TMEM117: variants seen among roughly 807,000 people sequenced by gnomAD.
The protein encoded by TMEM117 is transmembrane protein 117.
A neutral mutation model predicts 52.4 loss-of-function variants in TMEM117; 27 were observed. The ratio of observed to expected loss-of-function variants is 0.51; its 90% CI spans 0.38 to 0.71. The LOEUF (loss-of-function observed/expected upper bound fraction) is 0.71. Among genes scored for constraint, TMEM117 ranks in the 30% least tolerant of loss-of-function variants. The probability of loss-of-function intolerance (pLI) is 0.00; values close to 1 mark genes in which losing one functional copy is unlikely to be tolerated. For missense variants in TMEM117, 556 were observed against 630.5 expected (o/e 0.88, Z 1.26); for synonymous variants, 215 against 206.3 (o/e 1.04, Z -0.36).
intron 3 of TMEM117, among the ~76,000 whole-genome samples, chr12:43,964,766 GTA>G (rs1243438145): frequency 6.6e-6 from 1 of 152,160 alleles, no homozygotes; most frequent in Non-Finnish European, 1.5e-5. Context: ...AATTAGTACT[GTA>G]TACATTCTGA....
At chr12:44,167,567 T>C (rs1948985757) in intron 4 of TMEM117, among the ~76,000 whole-genome samples, 1 of 151,910 alleles carries the variant, frequency 6.6e-6, no homozygotes, top group East Asian at 1.9e-4. Context: ...CTCGGGAGGC[T>C]GAGGCAGGAG....
chr12:44,327,829 C>A (rs1951216723), intron 6 of TMEM117, among the ~76,000 whole-genome samples: 1 of 152,216 alleles, frequency 6.6e-6, no homozygotes, highest in Middle Eastern at 3.4e-3. Context: ...AGTAAGAACT[C>A]CACAGTTGCC....
intron 3 of TMEM117, among the ~76,000 whole-genome samples, chr12:43,959,082 C>G (rs1477971024): frequency 6.6e-6 from 1 of 152,186 alleles, no homozygotes; most frequent in Non-Finnish European, 1.5e-5. Context: ...GCTGGCATTA[C>G]AGGCGTGAGC....
intron 6 of TMEM117, among the ~76,000 whole-genome samples, chr12:44,333,266 C>T (rs1040592550): frequency 3.9e-5 from 6 of 152,016 alleles, no homozygotes; most frequent in Admixed American, 3.9e-4. Flanking sequence ...TTTTTAAACC[C>T]AAACAATATG....
intron 5 of TMEM117, chr12:44,248,621 C>A: frequency 6.2e-6 from 1 of 160,406 alleles, no homozygotes; most frequent in South Asian, 1.8e-4. Context: ...GACTGCTGCC[C>A]ACTCCTCCCG....
chr12:43,958,752 T>C (rs1945348518), intron 3 of TMEM117, among the ~76,000 whole-genome samples: 1 of 151,868 alleles, frequency 6.6e-6, no homozygotes, highest in South Asian at 2.1e-4. Context: ...CAGGAGAGAA[T>C]ATCTGAAATG....
chr12:44,226,501 ATGTGTGTGTGTG>A (rs56709250), intron 5 of TMEM117, among the ~76,000 whole-genome samples: 1 of 149,176 alleles, frequency 6.7e-6, no homozygotes, highest in South Asian at 2.1e-4. Flanking sequence ...AAATATATAT[ATGTGTGTGTGTG>A]TGTGTGTGTG....
At chr12:44,147,841 A>G (rs941647115) in intron 4 of TMEM117, among the ~76,000 whole-genome samples, 1 of 151,966 alleles carries the variant, frequency 6.6e-6, no homozygotes, top group African/African-American at 2.4e-5. Flanking sequence ...CTGAGGCAGC[A>G]GAATGGCTTG....
In TMEM117 at chr12:44,389,063, T is replaced by TTAATG; in HGVS notation, c.*391_*392insTAATG. 2.6e-5 allele frequency: 4 copies of TTAATG among 154,060 alleles called. No homozygotes were observed. The highest frequency in any genetic ancestry group is 4.3e-5 in the Non-Finnish European group (3 of 69,922). The allele number at this position is 154,060 out of a possible 1,614,324, so 9.5% of individuals were successfully genotyped here. On this transcript the variant is annotated 3_prime_UTR_variant, in exon 8 of 8. Transcript: ENST00000266534. ...TAACCTATTTCACATGGGCGTTTTGTATACAACTATTTTGATCTACACTTG... is the reference window on the plus strand; with the variant it reads ...TAACCTATTTCACATGGGCGTTTTGTTAATGATACAACTATTTTGATCTACACTTG...
the TMEM117 span, among the ~76,000 whole-genome samples, chr12:43,802,130 T>C: frequency 6.6e-6 from 1 of 152,354 alleles, no homozygotes; most frequent in African/African-American, 2.4e-5. Flanking sequence ...CTAAGCACAT[T>C]ATTCCTGATT....
chr12:43,829,799 G>C, the TMEM117 span, among the ~76,000 whole-genome samples: 1 of 152,122 alleles, frequency 6.6e-6, no homozygotes, highest in Non-Finnish European at 1.5e-5. Context: ...GGCAGTAAAA[G>C]GAACTGTAGG....
chr12:43,920,411 G>A (rs947677642), intron 2 of TMEM117, among the ~76,000 whole-genome samples: 2 of 152,046 alleles, frequency 1.3e-5, no homozygotes, highest in Non-Finnish European at 2.9e-5. Flanking sequence ...TACTCTGGAG[G>A]CTGAGGCAGG....
chr12:43,809,975 T>C, the TMEM117 span, among the ~76,000 whole-genome samples: 1 of 152,212 alleles, frequency 6.6e-6, no homozygotes, highest in African/African-American at 2.4e-5. Context: ...GGTTAAGGAA[T>C]AGTTCAAGCA....
intron 5 of TMEM117, among the ~76,000 whole-genome samples, chr12:44,273,143 T>C (rs1950468491): frequency 1.3e-5 from 2 of 152,102 alleles, no homozygotes; most frequent in South Asian, 4.2e-4. Flanking sequence ...ACACCGCATG[T>C]TCTCACTCAC....
chr12:44,331,150 C>G (rs1051092592), intron 6 of TMEM117, among the ~76,000 whole-genome samples: 12 of 151,448 alleles, frequency 7.9e-5, no homozygotes, highest in Middle Eastern at 6.8e-3. Flanking sequence ...GCTTTTAATT[C>G]CACTCTAGTA....
At chr12:44,217,087 C>A (rs968681472) in intron 5 of TMEM117, among the ~76,000 whole-genome samples, 8 of 152,042 alleles carry the variant, frequency 5.3e-5, no homozygotes, top group Non-Finnish European at 8.8e-5. Flanking sequence ...TCTTAATATA[C>A]ATTAAATATG....
intron 2 of TMEM117, among the ~76,000 whole-genome samples, chr12:43,857,313 CTTT>C (rs10625731): frequency 1.4e-5 from 2 of 148,144 alleles, no homozygotes; most frequent in African/African-American, 5.0e-5. Context: ...TTTCTAGGTA[CTTT>C]TTTTTTTTTT....
intron 6 of TMEM117, among the ~76,000 whole-genome samples, chr12:44,331,978 A>G (rs1457171043): frequency 2.0e-5 from 3 of 152,126 alleles, no homozygotes; most frequent in African/African-American, 7.2e-5. Flanking sequence ...AGATTTATTA[A>G]TAATGTGTGA....
At position 44,169,509 on chromosome 12, in the gene TMEM117, T is replaced by C. The variant is rs548188916; in HGVS notation, c.510+25885T>C. On this transcript the variant is annotated intron_variant, in intron 4 of 7. Transcript: ENST00000266534. ...CTGTTTATCTTTTGGGTATATTCTT[T>C]GAGTGTTAAAGATCTTTTCCCATTT... Among the ~76,000 whole-genome samples, 119 of 152,348 alleles carry C rather than the reference T, an allele frequency of 7.8e-4. 1 individual carries two copies. The highest frequency in any genetic ancestry group is 1.0e-3 in the Non-Finnish European group (68 of 68,036).
Sources: gnomAD v4.1 joint callset for allele counts (sites outside exome capture counted in the v4.1 genomes callset) on GRCh38, gnomAD v4.1.1 for gene constraint, MANE v1.5 for transcripts, NCBI Gene and HGNC (gene_info 2026-07-23, HGNC 2026-07-21) for gene names.